PDCL2: variants seen among roughly 807,000 people sequenced by gnomAD.
PDCL2 encodes phosducin like 2, also known as phosducin-like protein 2.
A neutral mutation model predicts 30.3 loss-of-function variants in PDCL2; 23 were observed. That is an observed-to-expected ratio of 0.76 (90% CI 0.55 to 1.08). The LOEUF (loss-of-function observed/expected upper bound fraction) is 1.08, where lower values mean the gene tolerates loss of function less well. Ranked by LOEUF, PDCL2 falls within the 50% of genes least tolerant of loss-of-function variation. PDCL2 has a pLI of 0.00. For missense variants in PDCL2, 243 were observed against 282.3 expected (o/e 0.86, Z 1.00); for synonymous variants, 68 against 86.2 (o/e 0.79, Z 1.17).
intron 4 of PDCL2, among the ~76,000 whole-genome samples, chr4:55,565,892 T>C (rs369789921): frequency 6.6e-6 from 1 of 151,016 alleles, no homozygotes; most frequent in African/African-American, 2.5e-5. Context: ...AATGAACCCA[T>C]TGTGTGGTTA....
intron 3 of PDCL2, among the ~76,000 whole-genome samples, chr4:55,579,519 G>A (rs1732652976): frequency 6.6e-6 from 1 of 152,078 alleles, no homozygotes. Context: ...GTTTCATCAT[G>A]TTTGCCAGGC....
intron 1 of PDCL2, among the ~76,000 whole-genome samples, chr4:55,587,260 T>C (rs1732887438): frequency 7.0e-6 from 1 of 142,352 alleles, no homozygotes; most frequent in South Asian, 2.2e-4. Context: ...ACATACTCTC[T>C]GTAGCAAGCC....
At position 55,582,075 on chromosome 4, in the gene PDCL2, G is replaced by C. The variant is rs372338124; in HGVS notation, c.127+42C>G. On this transcript the variant is annotated intron_variant, in intron 2 of 5. Coordinates refer to ENST00000295645, the MANE Select transcript of PDCL2 (RefSeq NM_152401.3). ...GAAATACCTTAGTACTAACTTAACT[G>C]TATTATTCCCATCATCCAGCCCACC... The C allele has an allele frequency of 4.4e-6, 7 of 1,606,316 alleles. No homozygotes were observed. The South Asian group carries it at 7.8e-5, about 18-fold the overall frequency.
intron 3 of PDCL2, among the ~76,000 whole-genome samples, chr4:55,578,304 T>G (rs539303550): frequency 6.3e-4 from 96 of 152,268 alleles, no homozygotes; most frequent in Non-Finnish European, 1.1e-3. Flanking sequence ...AAGGTCCTTA[T>G]TGTCCACCCT....
intron 3 of PDCL2, among the ~76,000 whole-genome samples, chr4:55,574,550 A>G (rs1294166075): frequency 1.3e-5 from 2 of 152,240 alleles, no homozygotes; most frequent in East Asian, 3.8e-4. Context: ...TGCCTGGAGG[A>G]GAGCTACTCA....
chr4:55,568,237 G>A (rs987752650), intron 4 of PDCL2, among the ~76,000 whole-genome samples: 12 of 152,182 alleles, frequency 7.9e-5, no homozygotes, highest in African/African-American at 2.7e-4. Flanking sequence ...GAGGCAGAGG[G>A]GTAGGGACCT....
chr4:55,580,988 C>T lies in PDCL2; in HGVS notation c.128-77G>A, dbSNP rs1732693411. ...ATACAGTCAATGTCTAGAAAAAAAC[C>T]GTCTTATACAAAGGAGATCAACAGT... is the stretch of plus-strand genomic sequence containing the variant. On this transcript the variant is annotated intron_variant, in intron 2 of 5. Transcript: ENST00000295645. 3.9e-6 allele frequency: 4 copies of T among 1,034,110 alleles called. No homozygotes were observed. In the South Asian group the frequency reaches 7.1e-5, roughly 18 times the overall value. 64.1% of individuals were successfully genotyped at this position (1,034,110 alleles called of 1,614,324 possible). A position where few individuals can be genotyped will look rare whatever the true frequency, so the allele number is the denominator to read the frequency against.
intron 3 of PDCL2, among the ~76,000 whole-genome samples, chr4:55,571,725 G>T (rs1057512998): frequency 1.5e-5 from 2 of 134,908 alleles, no homozygotes; most frequent in African/African-American, 5.7e-5. Context: ...TCCCATGCTA[G>T]AAACATTTCA....
intron 5 of PDCL2, among the ~76,000 whole-genome samples, chr4:55,559,854 C>G (rs963544092): frequency 6.6e-6 from 1 of 152,094 alleles, no homozygotes; most frequent in African/African-American, 2.4e-5. Context: ...GGACATTATG[C>G]TAAGTGGAAT....
At chr4:55,585,462 AGG>A in intron 1 of PDCL2, among the ~76,000 whole-genome samples, 1 of 152,192 alleles carries the variant, frequency 6.6e-6, no homozygotes, top group South Asian at 2.1e-4. Flanking sequence ...CGGGAGGCGG[AGG>A]TTGCAGTGAG....
chr4:55,566,047 C>G (rs1407001372), intron 4 of PDCL2, among the ~76,000 whole-genome samples: 3 of 117,700 alleles, frequency 2.5e-5, no homozygotes, highest in Admixed American at 2.5e-4. Context: ...GTGATGTGAT[C>G]TCAGCTCACT....
intron 3 of PDCL2, among the ~76,000 whole-genome samples, chr4:55,580,611 T>A (rs1732684246): frequency 6.6e-6 from 1 of 152,176 alleles, no homozygotes; most frequent in Non-Finnish European, 1.5e-5. Flanking sequence ...CATGATTGGA[T>A]AATTTTCTAT....
intron 3 of PDCL2, among the ~76,000 whole-genome samples, chr4:55,578,240 T>C (rs1428158093): frequency 6.6e-6 from 1 of 152,216 alleles, no homozygotes; most frequent in East Asian, 1.9e-4. Flanking sequence ...TGTACATCCA[T>C]GTTCAGAAGG....
intron 4 of PDCL2, 74 bp from the exon 5 acceptor site, chr4:55,562,686 A>C (rs1732165676): frequency 8.2e-6 from 8 of 978,306 alleles, no homozygotes; most frequent in East Asian, 2.9e-5. Context: ...TAAGTAAAAT[A>C]TCGCCATGGC....
At chr4:55,575,807 GA>G (rs1732551969) in intron 3 of PDCL2, among the ~76,000 whole-genome samples, 1 of 152,108 alleles carries the variant, frequency 6.6e-6, no homozygotes. Context: ...TCAAAAGCAA[GA>G]ATTCGATATT....
intron 3 of PDCL2, among the ~76,000 whole-genome samples, chr4:55,579,351 T>C (rs925822217): frequency 6.6e-6 from 1 of 152,006 alleles, no homozygotes; most frequent in African/African-American, 2.4e-5. Context: ...TTGTTTGAGA[T>C]GGAGTTTCAC....
At chr4:55,566,677 C>G (rs1434728159) in intron 4 of PDCL2, among the ~76,000 whole-genome samples, 2 of 152,048 alleles carry the variant, frequency 1.3e-5, no homozygotes, top group Non-Finnish European at 2.9e-5. Flanking sequence ...ATCCGCCTGC[C>G]TCGGCCTCCC....
rs368193953 is a variant in PDCL2 at position 55,577,023 on chromosome 4, G to A, written c.218+3798C>T. Among the ~76,000 whole-genome samples, 193 of 151,812 alleles carry A rather than the reference G, an allele frequency of 1.3e-3. 4 individuals are homozygous for A. The South Asian group carries it at 0.038, about 30-fold the overall frequency. On this transcript the variant is annotated intron_variant, in intron 3 of 5. Transcript: ENST00000295645. ...AGCAATTCTCCTGCCTCAGCCTCCC[G>A]AGTAGGTGGGATTACAGGTACAGGC...
chr4:55,583,302 T>C (rs1228187512), intron 1 of PDCL2, among the ~76,000 whole-genome samples: 3 of 152,226 alleles, frequency 2.0e-5, no homozygotes, highest in Non-Finnish European at 4.4e-5. Flanking sequence ...GTTCTGTATA[T>C]ATTTTAAGTA....
Sources: gnomAD v4.1 joint callset for allele counts (sites outside exome capture counted in the v4.1 genomes callset) on GRCh38, gnomAD v4.1.1 for gene constraint, MANE v1.5 for transcripts, NCBI Gene and HGNC (gene_info 2026-07-23, HGNC 2026-07-21) for gene names.